The following EML6 variants were observed in gnomAD, a reference collection of about 807,000 sequenced individuals.
The protein encoded by EML6 is EMAP like 6.
A neutral mutation model predicts 240.1 loss-of-function variants in EML6; 154 were observed. That is an observed-to-expected ratio of 0.64 (90% CI 0.56 to 0.73). The LOEUF (loss-of-function observed/expected upper bound fraction) is 0.73. Among genes scored for constraint, EML6 ranks in the 30% least tolerant of loss-of-function variants. The pLI is 0.00. For synonymous variants in EML6, 1,148 were observed against 899.0 expected, an observed-to-expected ratio of 1.28 and a Z score of -4.95; for missense variants, 2,964 against 2,474.6, an observed-to-expected ratio of 1.20 and a Z score of -4.20.
rs957136152 is a variant in EML6, at chr2:54,774,617, G to T, written c.198-38615G>T. 6.6e-6 allele frequency among the ~76,000 whole-genome samples: 1 copy of T among 152,210 alleles called. No individual in the cohort carries two copies. The highest frequency in any genetic ancestry group is 2.4e-5 in the African/African-American group (1 of 41,442). On this transcript the variant is annotated intron_variant, in intron 2 of 41. Coordinates refer to ENST00000356458, the MANE Select transcript of EML6 (RefSeq NM_001039753.4). This position sits in a 1 kb window ranked among gnomAD's most constrained non-coding sequence, Gnocchi z 4.1. ...TAAAATAAAACATAGAGGTCCTTTT[G>T]CAAGAGGACCTGGCTTATGGTAAGC...
At chr2:54,825,629 G>T (rs553953223) in intron 5 of EML6, among the ~76,000 whole-genome samples, 26 of 152,218 alleles carry the variant, frequency 1.7e-4, no homozygotes, top group African/African-American at 6.0e-4. Flanking sequence ...TGAGTTACCA[G>T]AGCTGATACC....
chr2:54,815,685 T>C (rs111665932), intron 3 of EML6, among the ~76,000 whole-genome samples: 244 of 152,296 alleles, frequency 1.6e-3, no homozygotes, highest in African/African-American at 5.6e-3. Flanking sequence ...TAAGGACACA[T>C]TAAAAAACCC....
chr2:54,851,968 GAA>G (rs1243340051), intron 10 of EML6, among the ~76,000 whole-genome samples: 1 of 152,182 alleles, frequency 6.6e-6, no homozygotes, highest in East Asian at 1.9e-4. Context: ...TGCCAGAATA[GAA>G]AAGAATAGTC....
At chr2:54,727,632 C>G (rs76382474) in intron 2 of EML6, among the ~76,000 whole-genome samples, 6,109 of 152,236 alleles carry the variant, frequency 0.04, 137 homozygotes, top group Admixed American at 0.079. Flanking sequence ...AGCTAAGGTT[C>G]TAATGCAAAA....
intron 28 of EML6, among the ~76,000 whole-genome samples, chr2:54,937,553 TAAAA>T (rs34682923): frequency 8.8e-5 from 6 of 68,208 alleles, no homozygotes; most frequent in African/African-American, 1.2e-4. Context: ...ACTCTGTCTT[TAAAA>T]AAAAAAAAAA....
chr2:54,917,310 C>A (rs1435944178), intron 26 of EML6, among the ~76,000 whole-genome samples: 1 of 149,944 alleles, frequency 6.7e-6, no homozygotes. Context: ...ATTGTTAAAA[C>A]GTTTTTATCT....
chr2:54,844,611 T>C (rs1416981777), intron 8 of EML6, among the ~76,000 whole-genome samples: 1 of 152,252 alleles, frequency 6.6e-6, no homozygotes, highest in East Asian at 1.9e-4. Context: ...TTTACAATTT[T>C]GTTAAAGGCT....
chr2:54,847,339 G>A (rs1165827262), intron 8 of EML6, 147 bp from the exon 9 acceptor site: 6 of 697,736 alleles, frequency 8.6e-6, no homozygotes, highest in Non-Finnish European at 1.4e-5. Context: ...CACACTCGCT[G>A]ACAGGCCATG....
intron 39 of EML6, 29 bp downstream of exon 39, chr2:54,967,132 A>T: frequency 1.4e-6 from 2 of 1,435,356 alleles, no homozygotes; most frequent in Non-Finnish European, 1.9e-6. Context: ...AAACTTGAGG[A>T]AAAGGTCACA....
At chr2:54,896,374 T>A (rs1202081907) in intron 21 of EML6, among the ~76,000 whole-genome samples, 3 of 152,296 alleles carry the variant, frequency 2.0e-5, no homozygotes, top group African/African-American at 7.2e-5. Context: ...ATAAGCAAAT[T>A]GCATCCTCCT....
chr2:54,821,718 T>C (rs1046452319), intron 5 of EML6, among the ~76,000 whole-genome samples: 6 of 152,120 alleles, frequency 3.9e-5, no homozygotes, highest in African/African-American at 1.4e-4. Context: ...TTAATATGTA[T>C]GACAACTTAG....
At chr2:54,855,035 A>T (rs1670298128) in intron 11 of EML6, among the ~76,000 whole-genome samples, 1 of 152,228 alleles carries the variant, frequency 6.6e-6, no homozygotes, top group African/African-American at 2.4e-5. Context: ...TATACATCCC[A>T]AGTCTTTTAA....
At chr2:54,843,916 G>T in intron 7 of EML6, 131 bp from the exon 8 acceptor site, 3 of 661,478 alleles carry the variant, frequency 4.5e-6, no homozygotes, top group Non-Finnish European at 7.9e-6. Flanking sequence ...TCTTTAAGAT[G>T]TGTCACATTT....
chr2:54,741,161 C>T (rs1033086909), intron 2 of EML6, among the ~76,000 whole-genome samples: 4 of 152,050 alleles, frequency 2.6e-5, no homozygotes, highest in African/African-American at 9.7e-5. Flanking sequence ...TCCAGAGAGC[C>T]CCAAGTGCAG....
intron 22 of EML6, among the ~76,000 whole-genome samples, chr2:54,902,270 C>T (rs1673097883): frequency 1.3e-5 from 2 of 152,174 alleles, no homozygotes; most frequent in African/African-American, 4.8e-5. Flanking sequence ...TCCTTTTCTC[C>T]ATTTACCCCA....
intron 11 of EML6, among the ~76,000 whole-genome samples, chr2:54,859,177 T>A (rs892763611): frequency 6.6e-6 from 1 of 152,224 alleles, no homozygotes; most frequent in African/African-American, 2.4e-5. Flanking sequence ...ATTTTCTGTT[T>A]CCCTGTTAAA....
intron 15 of EML6, 147 bp downstream of exon 15, chr2:54,869,514 G>A: frequency 1.5e-6 from 1 of 681,642 alleles, no homozygotes; most frequent in South Asian, 2.1e-5. Flanking sequence ...ATCCTTCCAA[G>A]ATCATGGGAG....
chr2:54,882,806 C>A (rs1232705509), intron 17 of EML6: 1 of 130,852 alleles, frequency 7.6e-6, no homozygotes, highest in South Asian at 2.4e-4. Context: ...TGCAGTGAGC[C>A]GAGATCACGG....
intron 28 of EML6, among the ~76,000 whole-genome samples, chr2:54,937,325 C>T (rs138569330): frequency 9.3e-5 from 14 of 150,980 alleles, no homozygotes; most frequent in African/African-American, 1.7e-4. Context: ...TGGGGCAAGC[C>T]GGTTATCCCA....
Sources: allele counts gnomAD v4.1 joint callset (sites outside exome capture counted in the v4.1 genomes callset), GRCh38; gene constraint gnomAD v4.1.1; non-coding constraint Gnocchi (gnomAD v3.1); transcripts MANE v1.5; gene names NCBI Gene and HGNC (gene_info 2026-07-23, HGNC 2026-07-21).